SIPA1L3: variants seen among roughly 807,000 people sequenced by gnomAD.
SIPA1L3 encodes the protein signal induced proliferation associated 1 like 3.
Under a neutral mutation model 150.1 loss-of-function variants are expected in SIPA1L3, and 59 were observed. That is an observed-to-expected ratio of 0.39 (90% CI 0.32 to 0.49). The LOEUF is 0.49. Ranked by LOEUF, SIPA1L3 falls within the 20% of genes least tolerant of loss-of-function variation. The probability of loss-of-function intolerance (pLI) is 0.86; values close to 1 mark genes in which losing one functional copy is unlikely to be tolerated. For synonymous variants in SIPA1L3, 1,070 were observed against 1,077.6 expected, an observed-to-expected ratio of 0.99 and a Z score of 0.14; for missense variants, 2,211 against 2,489.5, an observed-to-expected ratio of 0.89 and a Z score of 2.38.
chr19:38,057,014 G>A (rs968085460), intron 2 of SIPA1L3, among the ~76,000 whole-genome samples: 1 of 152,104 alleles, frequency 6.6e-6, no homozygotes, highest in Admixed American at 6.6e-5. Context: ...CTCAACGCCT[G>A]TAATCCCAGC....
chr19:38,105,015 G>A (rs1449729967), intron 6 of SIPA1L3, among the ~76,000 whole-genome samples: 1 of 151,992 alleles, frequency 6.6e-6, no homozygotes, highest in Non-Finnish European at 1.5e-5. Flanking sequence ...TGGCAGCTGT[G>A]GCCTCAGTGT....
chr19:38,175,009 G>A (rs1337937461), intron 15 of SIPA1L3, among the ~76,000 whole-genome samples: 4 of 152,118 alleles, frequency 2.6e-5, no homozygotes, highest in African/African-American at 9.7e-5. Flanking sequence ...TTGTCACTGG[G>A]AGTACAGAAT....
chr19:37,918,019 T>C (rs1297758670), intron 1 of SIPA1L3, among the ~76,000 whole-genome samples: 2 of 151,100 alleles, frequency 1.3e-5, no homozygotes, highest in African/African-American at 2.4e-5. Flanking sequence ...AAAAAAGAAG[T>C]CCCAGTTTGT....
intron 1 of SIPA1L3, among the ~76,000 whole-genome samples, chr19:37,929,389 C>A (rs1312664243): frequency 6.6e-6 from 1 of 152,204 alleles, no homozygotes; most frequent in Non-Finnish European, 1.5e-5. Context: ...GCATTTTTGT[C>A]ATCGTGCTTA....
intron 15 of SIPA1L3, among the ~76,000 whole-genome samples, chr19:38,176,138 T>C (rs1370875510): frequency 2.0e-5 from 3 of 151,944 alleles, no homozygotes; most frequent in African/African-American, 7.2e-5. Context: ...GCCTCCTGAG[T>C]AGCTGGGATT....
rs1244971954 is a variant in SIPA1L3, at chr19:37,997,395, C to T, written c.-378-31694C>T. On this transcript the variant is annotated intron_variant, in intron 1 of 21. Coordinates refer to ENST00000222345, the MANE Select transcript of SIPA1L3 (RefSeq NM_015073.3). Reference sequence around the variant, plus strand: ...CCAGCCTGGCCAACATGGTGACACCCGATCTCTACTAAAAATACAAAAATT... The same window carrying T: ...CCAGCCTGGCCAACATGGTGACACCTGATCTCTACTAAAAATACAAAAATT... 3.3e-5 allele frequency among the ~76,000 whole-genome samples: 5 copies of T among 151,282 alleles called. No homozygotes were observed. The South Asian group carries it at 8.4e-4, about 26-fold the overall frequency.
chr19:38,141,453 G>A lies in SIPA1L3; in HGVS notation c.3395+18G>A. The A allele has an allele frequency of 5.0e-6, 8 of 1,598,728 alleles. No individual in the cohort carries two copies. Among genetic ancestry groups the A allele is most frequent in the African/African-American group, 1.3e-5 (1 of 74,940 alleles). On this transcript the variant is annotated intron_variant, in intron 11 of 21. Coordinates refer to ENST00000222345, the MANE Select transcript of SIPA1L3 (RefSeq NM_015073.3). ...AGCAAGAGGTAAGCACCTGCTGGGGGGACCAATACTTCCCAACCCCCACCA... is the reference window on the plus strand; with the variant it reads ...AGCAAGAGGTAAGCACCTGCTGGGGAGACCAATACTTCCCAACCCCCACCA...
At chr19:38,192,073 T>G in intron 16 of SIPA1L3, 72 bp from the exon 17 acceptor site, 1 of 1,447,284 alleles carries the variant, frequency 6.9e-7, no homozygotes, top group Non-Finnish European at 9.3e-7. Flanking sequence ...CCGGCCCTCT[T>G]GAATCCAAAC....
At chr19:37,926,416 G>T (rs974228499) in intron 1 of SIPA1L3, among the ~76,000 whole-genome samples, 4 of 152,194 alleles carry the variant, frequency 2.6e-5, no homozygotes, top group African/African-American at 9.6e-5. Flanking sequence ...CACCAGTTTT[G>T]AAATCACAGC....
chr19:38,020,120 T>A (rs1968339372), intron 1 of SIPA1L3, among the ~76,000 whole-genome samples: 1 of 152,122 alleles, frequency 6.6e-6, no homozygotes, highest in Non-Finnish European at 1.5e-5. Flanking sequence ...ATAAATAGAA[T>A]AATGGTAGCT....
chr19:38,166,840 C>G (rs911228214), intron 15 of SIPA1L3, among the ~76,000 whole-genome samples: 7 of 152,154 alleles, frequency 4.6e-5, no homozygotes, highest in African/African-American at 1.7e-4. Context: ...ACCCCAGCCT[C>G]TCTCCACACA....
At chr19:38,106,450 G>A in intron 6 of SIPA1L3, 87 bp from the exon 7 acceptor site, 1 of 873,608 alleles carries the variant, frequency 1.1e-6, no homozygotes. Context: ...AAAGCACCAA[G>A]TTAAAAACCA....
intron 1 of SIPA1L3, among the ~76,000 whole-genome samples, chr19:38,027,590 C>G (rs1383052914): frequency 9.9e-5 from 15 of 151,964 alleles, no homozygotes; most frequent in Admixed American, 9.8e-4. Flanking sequence ...CCACTGCCTT[C>G]ATTGACCATT....
chr19:38,147,059 T>TTTTA (rs1381563035), intron 12 of SIPA1L3, among the ~76,000 whole-genome samples: 3 of 151,892 alleles, frequency 2.0e-5, no homozygotes, highest in Non-Finnish European at 2.9e-5. Context: ...TATTTTTTAT[T>TTTTA]TTTATTTATT....
intron 15 of SIPA1L3, among the ~76,000 whole-genome samples, chr19:38,176,756 G>A (rs1972443001): frequency 6.6e-6 from 1 of 152,094 alleles, no homozygotes; most frequent in Non-Finnish European, 1.5e-5. Context: ...TGGATCACCT[G>A]AGGTCAGCAG....
chr19:38,198,552 T>C lies in SIPA1L3; in HGVS notation c.4984+20T>C, dbSNP rs754222498. 7.4e-6 allele frequency: 11 copies of C among 1,493,634 alleles called. No individual in the cohort carries two copies. Among genetic ancestry groups the C allele is most frequent in the Non-Finnish European group, 8.0e-6 (9 of 1,119,826 alleles). 92.5% of individuals were successfully genotyped at this position (1,493,634 alleles called of 1,614,324 possible). A position where few individuals can be genotyped will look rare whatever the true frequency, so the allele number is the denominator to read the frequency against. ...ACGAAGGTAGGCGCCTTCCACCCAGTCCCGCCAGGCCCCCACCCCGTCCTC... is the reference window on the plus strand; with the variant it reads ...ACGAAGGTAGGCGCCTTCCACCCAGCCCCGCCAGGCCCCCACCCCGTCCTC... On this transcript the variant is annotated intron_variant, in intron 19 of 21. Coordinates refer to ENST00000222345, the MANE Select transcript of SIPA1L3 (RefSeq NM_015073.3).
At chr19:37,939,911 G>A (rs909078501) in intron 1 of SIPA1L3, among the ~76,000 whole-genome samples, 14 of 152,208 alleles carry the variant, frequency 9.2e-5, no homozygotes, top group Admixed American at 7.2e-4. Flanking sequence ...GATGGTACCT[G>A]TAGATGATGC....
At chr19:37,925,738 C>G (rs1216516724) in intron 1 of SIPA1L3, among the ~76,000 whole-genome samples, 1 of 151,770 alleles carries the variant, frequency 6.6e-6, no homozygotes, top group Admixed American at 6.6e-5. Flanking sequence ...GGACTACAGG[C>G]ACGCACCACC....
intron 1 of SIPA1L3, among the ~76,000 whole-genome samples, chr19:37,990,371 C>T: frequency 6.6e-6 from 1 of 152,180 alleles, no homozygotes; most frequent in East Asian, 1.9e-4. Context: ...GCATGTTGGG[C>T]ACTACCTTGA....
Sources: gnomAD v4.1 joint callset for allele counts (sites outside exome capture counted in the v4.1 genomes callset) on GRCh38, gnomAD v4.1.1 for gene constraint, MANE v1.5 for transcripts, NCBI Gene and HGNC (gene_info 2026-07-23, HGNC 2026-07-21) for gene names.